The following ENTREP2 variants were observed in gnomAD, a reference collection of about 807,000 sequenced individuals.
ENTREP2 encodes endosomal transmembrane epsin interactor 2.
chr15:29,613,033 C>T, the ENTREP2 span, among the ~76,000 whole-genome samples: 1 of 152,140 alleles, frequency 6.6e-6, no homozygotes, highest in African/African-American at 2.4e-5. Flanking sequence ...CTAACTCCCC[C>T]AGAATTTGCA....
At chr15:29,443,881 G>C in the ENTREP2 span, among the ~76,000 whole-genome samples, 10 of 152,026 alleles carry the variant, frequency 6.6e-5, no homozygotes, top group Non-Finnish European at 1.5e-4. Context: ...GAGGCGGGTG[G>C]ATCACAAGGT....
At chr15:29,232,948 G>A in the ENTREP2 span, among the ~76,000 whole-genome samples, 1 of 152,206 alleles carries the variant, frequency 6.6e-6, no homozygotes, top group South Asian at 2.1e-4. Flanking sequence ...AACCATTTGT[G>A]CTAACCCTAA....
the ENTREP2 span, among the ~76,000 whole-genome samples, chr15:29,397,333 G>A: frequency 3.3e-5 from 5 of 152,150 alleles, no homozygotes; most frequent in South Asian, 2.1e-4. Context: ...AGAGGTTGCC[G>A]TGAGCCGAGA....
the ENTREP2 span, among the ~76,000 whole-genome samples, chr15:29,206,820 T>A: frequency 6.6e-6 from 1 of 152,152 alleles, no homozygotes; most frequent in East Asian, 1.9e-4. Context: ...AATAAAGGTG[T>A]TTCAGAAAAA....
chr15:29,229,237 G>A, the ENTREP2 span, among the ~76,000 whole-genome samples: 1 of 152,096 alleles, frequency 6.6e-6, no homozygotes, highest in Non-Finnish European at 1.5e-5. Context: ...CTTATTAAAT[G>A]TACTACTTTT....
chr15:29,560,888 C>A, the ENTREP2 span, among the ~76,000 whole-genome samples: 3 of 149,988 alleles, frequency 2.0e-5, no homozygotes, highest in Admixed American at 6.6e-5. Flanking sequence ...ATCCCTAGGC[C>A]AAATCTGGCC....
the ENTREP2 span, among the ~76,000 whole-genome samples, chr15:29,385,328 C>T: frequency 1.3e-5 from 2 of 152,168 alleles, no homozygotes; most frequent in Non-Finnish European, 2.9e-5. Context: ...TCCCCATTCC[C>T]ATAAGCAAAG....
chr15:29,251,563 G>C, the ENTREP2 span, among the ~76,000 whole-genome samples: 1 of 151,948 alleles, frequency 6.6e-6, no homozygotes, highest in Non-Finnish European at 1.5e-5. Context: ...CTCATCAGCT[G>C]TCGCTAATAT....
the ENTREP2 span, among the ~76,000 whole-genome samples, chr15:29,599,161 A>G: frequency 6.6e-6 from 1 of 152,252 alleles, no homozygotes; most frequent in African/African-American, 2.4e-5. Flanking sequence ...GTGACTATGA[A>G]CTTAATAGGC....
the ENTREP2 span, among the ~76,000 whole-genome samples, chr15:29,657,373 A>G: frequency 2.0e-4 from 30 of 151,366 alleles, no homozygotes; most frequent in Admixed American, 9.9e-4. Context: ...CAGTTCTTAC[A>G]AATGGCACGG....
At chr15:29,639,517 T>C in the ENTREP2 span, among the ~76,000 whole-genome samples, 4 of 152,104 alleles carry the variant, frequency 2.6e-5, no homozygotes, top group Non-Finnish European at 4.4e-5. Flanking sequence ...GAGTGAGACA[T>C]AGACTTACGG....
the ENTREP2 span, among the ~76,000 whole-genome samples, chr15:29,348,873 A>T: frequency 0.11 from 16,265 of 152,282 alleles, 1,950 homozygotes; most frequent in African/African-American, 0.3. Flanking sequence ...TTTAATCATG[A>T]TTTTCCCTTT....
chr15:29,514,450 C>T, the ENTREP2 span, among the ~76,000 whole-genome samples: 3 of 152,222 alleles, frequency 2.0e-5, no homozygotes, highest in East Asian at 1.9e-4. Flanking sequence ...TATGTATCCA[C>T]TCATCTACTG....
the ENTREP2 span, among the ~76,000 whole-genome samples, chr15:29,154,850 C>T: frequency 2.0e-5 from 3 of 152,248 alleles, no homozygotes; most frequent in South Asian, 6.2e-4. Context: ...CTCAAGCCCA[C>T]ACTGTGAAAC....
chr15:29,604,706 T>C, the ENTREP2 span, among the ~76,000 whole-genome samples: 19 of 152,202 alleles, frequency 1.2e-4, no homozygotes, highest in African/African-American at 4.6e-4. Flanking sequence ...TGGCAAAGTA[T>C]CTCAACAGAG....
the ENTREP2 span, among the ~76,000 whole-genome samples, chr15:29,168,950 T>A: frequency 6.6e-6 from 1 of 152,242 alleles, no homozygotes; most frequent in Non-Finnish European, 1.5e-5. Context: ...GGCTGTAAAT[T>A]GCCTACATGA....
At chr15:29,618,372 G>A in the ENTREP2 span, among the ~76,000 whole-genome samples, 1 of 150,382 alleles carries the variant, frequency 6.6e-6, no homozygotes, top group Admixed American at 6.6e-5. Flanking sequence ...GCAGTGAGCT[G>A]AGATCACGCC....
the ENTREP2 span, among the ~76,000 whole-genome samples, chr15:29,160,069 G>A: frequency 6.6e-6 from 1 of 152,226 alleles, no homozygotes; most frequent in Non-Finnish European, 1.5e-5. Flanking sequence ...CTTGCCCAGA[G>A]GGAAGGCAGC....
chr15:29,587,138 C>CGTGTGTGTGTGT, the ENTREP2 span, among the ~76,000 whole-genome samples: 137 of 124,058 alleles, frequency 1.1e-3, no homozygotes, highest in Non-Finnish European at 1.7e-3. Context: ...TGTAGCTAAC[C>CGTGTGTGTGTGT]GTGTGTGTGT....
Sources: gnomAD v4.1 joint callset for allele counts (sites outside exome capture counted in the v4.1 genomes callset) on GRCh38, gnomAD v4.1.1 for gene constraint, MANE v1.5 for transcripts, NCBI Gene and HGNC (gene_info 2026-07-23, HGNC 2026-07-21) for gene names.